Variants in FHIT observed in about 807,000 individuals in gnomAD.
FHIT encodes the protein fragile histidine triad diadenosine triphosphatase, also known as bis(5'-adenosyl)-triphosphatase.
Under a neutral mutation model 17.9 loss-of-function variants are expected in FHIT, and 19 were observed. That is an observed-to-expected ratio of 1.06 (90% CI 0.74 to 1.56). The LOEUF (loss-of-function observed/expected upper bound fraction) is 1.56, where lower values mean the gene tolerates loss of function less well. FHIT is among the 40% of genes most tolerant of loss of function. The pLI is 0.00. For synonymous variants in FHIT, 81 were observed against 69.7 expected, an observed-to-expected ratio of 1.16 and a Z score of -0.81; for missense variants, 248 against 189.2, an observed-to-expected ratio of 1.31 and a Z score of -1.82.
rs866829961 is a variant in FHIT, at chr3:60,393,231, A to G, written c.103+143629T>C. ...CTAAATGGCTGGTATTATTGCTTAC[A>G]AAAGCATCTTAAACTTCATGGAGTT... is the stretch of plus-strand genomic sequence containing the variant. On this transcript the variant is annotated intron_variant, in intron 5 of 9. Coordinates refer to ENST00000492590, the MANE Select transcript of FHIT (RefSeq NM_002012.4). Among the ~76,000 whole-genome samples the G allele has an allele frequency of 9.6e-4, 146 of 152,268 alleles. 2 individuals are homozygous for G. Among genetic ancestry groups the G allele is most frequent in the South Asian group, 1.5e-3 (7 of 4,826 alleles).
intron 4 of FHIT, among the ~76,000 whole-genome samples, chr3:60,709,650 C>G (rs1319036064): frequency 6.6e-6 from 1 of 152,126 alleles, no homozygotes; most frequent in South Asian, 2.1e-4. Context: ...ATGTTGACAC[C>G]TTTCATTGCA....
chr3:60,427,791 T>C (rs1367140226), intron 5 of FHIT, among the ~76,000 whole-genome samples: 1 of 152,160 alleles, frequency 6.6e-6, no homozygotes, highest in South Asian at 2.1e-4. Flanking sequence ...CAATTCCATG[T>C]GGGCACTACC....
chr3:60,461,012 A>G (rs2032426571), intron 5 of FHIT, among the ~76,000 whole-genome samples: 1 of 152,186 alleles, frequency 6.6e-6, no homozygotes, highest in African/African-American at 2.4e-5. Flanking sequence ...AGAGAATACC[A>G]TATGTAACAA....
At chr3:60,576,827 A>C (rs961739617) in intron 4 of FHIT, among the ~76,000 whole-genome samples, 7 of 152,054 alleles carry the variant, frequency 4.6e-5, no homozygotes, top group Non-Finnish European at 8.8e-5. Context: ...ATGAAAACCT[A>C]TCCCCCTAAA....
At chr3:61,016,578 C>T (rs767869971) in intron 3 of FHIT, among the ~76,000 whole-genome samples, 4 of 152,160 alleles carry the variant, frequency 2.6e-5, no homozygotes, top group Non-Finnish European at 5.9e-5. Context: ...TGCAGCTATC[C>T]GGGTACACCA....
At chr3:61,173,325 G>A (rs772838900) in intron 2 of FHIT, among the ~76,000 whole-genome samples, 24 of 151,984 alleles carry the variant, frequency 1.6e-4, no homozygotes, top group Non-Finnish European at 2.5e-4. Context: ...TTGGAGATTC[G>A]ACAATTTACT....
intron 4 of FHIT, among the ~76,000 whole-genome samples, chr3:60,546,319 T>C (rs527879136): frequency 6.6e-6 from 1 of 152,280 alleles, no homozygotes; most frequent in African/African-American, 2.4e-5. Flanking sequence ...CATTCTATTT[T>C]TATTTCAGTA....
chr3:60,860,151 T>TACATGAGATACATC (rs1703593301), intron 3 of FHIT, among the ~76,000 whole-genome samples: 3 of 76,262 alleles, frequency 3.9e-5, no homozygotes, highest in Non-Finnish European at 8.0e-5. Flanking sequence ...ACATATGGTA[T>TACATGAGATACATC]ATATGATATA....
chr3:61,018,766 T>G (rs2032251041), intron 3 of FHIT, among the ~76,000 whole-genome samples: 1 of 152,226 alleles, frequency 6.6e-6, no homozygotes, highest in South Asian at 2.1e-4. Flanking sequence ...TGTCTGTTTT[T>G]TTAATTTTTG....
At chr3:59,795,412 T>G (rs1053558957) in intron 8 of FHIT, among the ~76,000 whole-genome samples, 16 of 151,528 alleles carry the variant, frequency 1.1e-4, no homozygotes, top group African/African-American at 1.9e-4. Flanking sequence ...TAACATTTTT[T>G]CTTCTTATTT....
At chr3:61,114,356 T>A (rs1158291130) in intron 2 of FHIT, among the ~76,000 whole-genome samples, 1 of 152,182 alleles carries the variant, frequency 6.6e-6, no homozygotes, top group Non-Finnish European at 1.5e-5. Flanking sequence ...ATTAATAACA[T>A]TTTGTCTTAT....
intron 4 of FHIT, among the ~76,000 whole-genome samples, chr3:60,604,576 G>T (rs146357909): frequency 8.1e-4 from 124 of 152,276 alleles, no homozygotes; most frequent in Middle Eastern, 3.4e-3. Flanking sequence ...TGTTGCTTCT[G>T]CTTCCAGCTC....
Position 60,193,921 on chromosome 3 carries a change from C to A in FHIT, c.104-179769G>T, listed in dbSNP as rs113657304. Among the ~76,000 whole-genome samples the A allele has an allele frequency of 2.2e-3, 335 of 152,246 alleles. 2 individuals are homozygous for A. Among genetic ancestry groups the A allele is most frequent in the South Asian group, 0.014 (69 of 4,820 alleles). On this transcript the variant is annotated intron_variant, in intron 5 of 9. Transcript: ENST00000492590. The stretch of plus-strand genomic sequence containing the variant: ...TTAAAAAATGGGCTCGCTTTCCAAT[C>A]TAAAGAACTTGAAAGTATCATAGAC...
intron 5 of FHIT, among the ~76,000 whole-genome samples, chr3:60,174,962 A>T (rs1701602937): frequency 6.6e-6 from 1 of 152,212 alleles, no homozygotes; most frequent in Non-Finnish European, 1.5e-5. Flanking sequence ...AGTGAATTTT[A>T]AAAAATATAG....
intron 2 of FHIT, among the ~76,000 whole-genome samples, chr3:61,070,041 G>T (rs2034749964): frequency 6.6e-6 from 1 of 152,116 alleles, no homozygotes; most frequent in Non-Finnish European, 1.5e-5. Flanking sequence ...CTTCTGAGTA[G>T]CACGCCTGGC....
chr3:60,048,456 G>A (rs558232898), intron 5 of FHIT, among the ~76,000 whole-genome samples: 6 of 152,274 alleles, frequency 3.9e-5, no homozygotes, highest in South Asian at 2.1e-4. Context: ...GATTACAGGC[G>A]TGAGTCTCTA....
At chr3:61,232,352 A>C (rs1373390811) in intron 1 of FHIT, among the ~76,000 whole-genome samples, 1 of 152,230 alleles carries the variant, frequency 6.6e-6, no homozygotes, top group Non-Finnish European at 1.5e-5. Flanking sequence ...TTGCCACTGC[A>C]CTTCAGCCTG....
At chr3:60,633,440 TTATTA>T (rs1553682942) in intron 4 of FHIT, among the ~76,000 whole-genome samples, 1 of 152,148 alleles carries the variant, frequency 6.6e-6, no homozygotes, top group African/African-American at 2.4e-5. Flanking sequence ...ATACAACAAA[TTATTA>T]TATTTAAGTA....
intron 3 of FHIT, among the ~76,000 whole-genome samples, chr3:61,028,475 G>T (rs902614193): frequency 6.6e-6 from 1 of 152,180 alleles, no homozygotes. Context: ...CTCAAAAGAA[G>T]CAAGGGCAAG....
Sources: allele counts gnomAD v4.1 joint callset (sites outside exome capture counted in the v4.1 genomes callset), GRCh38; gene constraint gnomAD v4.1.1; transcripts MANE v1.5; gene names NCBI Gene and HGNC (gene_info 2026-07-23, HGNC 2026-07-21).